The following KYNU variants were observed in gnomAD, a reference collection of about 807,000 sequenced individuals.
KYNU encodes L-kynurenine hydrolase.
A neutral mutation model predicts 59.2 loss-of-function variants in KYNU; 54 were observed. The ratio of observed to expected loss-of-function variants is 0.91; its 90% CI spans 0.73 to 1.14. KYNU has a LOEUF of 1.14. KYNU is among the 50% of genes most tolerant of loss of function. The pLI is 0.00. For missense variants in KYNU, 567 were observed against 554.4 expected (o/e 1.02, Z -0.23); for synonymous variants, 177 against 192.0 (o/e 0.92, Z 0.65).
At position 142,977,261 on chromosome 2, in the gene KYNU, T is replaced by A. The variant is rs1168375300; in HGVS notation, c.730-7823T>A. ...GTTTACAAAATTGAGGCTCAAATAT[T>A]TTCTACCATCTGAATTTTTCTCGTT... On this transcript the variant is annotated intron_variant, in intron 8 of 13. Coordinates refer to ENST00000264170, the MANE Select transcript of KYNU (RefSeq NM_003937.3). 2.6e-5 allele frequency among the ~76,000 whole-genome samples: 4 copies of A among 151,980 alleles called. No homozygotes were observed. In the East Asian group the frequency reaches 5.8e-4, roughly 22 times the overall value.
chr2:143,043,150 A>G lies in KYNU; in HGVS notation c.*978A>G, dbSNP rs936441578. ...TTTTTAAATGAGAACTTCCCCTAAT[A>G]TAAGAGCTTAGATATTATATTACTA... On this transcript the variant is annotated 3_prime_UTR_variant, in exon 14 of 14. Coordinates refer to ENST00000264170, the MANE Select transcript of KYNU (RefSeq NM_003937.3). The G allele has an allele frequency of 3.9e-5, 6 of 151,910 alleles. No individual in the cohort carries two copies. The highest frequency in any genetic ancestry group is 2.6e-4 in the Admixed American group (4 of 15,192). The allele number at this position is 151,910 out of a possible 1,614,324, so 9.4% of individuals were successfully genotyped here.
At chr2:142,903,333 T>C (rs1456233883) in intron 2 of KYNU, among the ~76,000 whole-genome samples, 1 of 152,106 alleles carries the variant, frequency 6.6e-6, no homozygotes, top group African/African-American at 2.4e-5. Flanking sequence ...TTAATTCCTT[T>C]TTCAAGCAGG....
At chr2:142,980,430 G>A (rs2105146962) in intron 8 of KYNU, among the ~76,000 whole-genome samples, 1 of 152,182 alleles carries the variant, frequency 6.6e-6, no homozygotes, top group South Asian at 2.1e-4. Flanking sequence ...TACTAGGAAT[G>A]CAGCCCAGCA....
intron 10 of KYNU, among the ~76,000 whole-genome samples, chr2:143,022,749 C>CA (rs772310265): frequency 2.9e-4 from 44 of 151,904 alleles, no homozygotes; most frequent in Non-Finnish European, 5.8e-4. Flanking sequence ...AATATTCTCC[C>CA]AAAAAATTAT....
At chr2:142,977,840 G>A (rs761707454) in intron 8 of KYNU, among the ~76,000 whole-genome samples, 6 of 152,060 alleles carry the variant, frequency 3.9e-5, no homozygotes, top group Non-Finnish European at 8.8e-5. Flanking sequence ...AGAGTGAGAA[G>A]GATTTTTGAA....
intron 10 of KYNU, among the ~76,000 whole-genome samples, chr2:143,010,132 C>T (rs1686046164): frequency 1.4e-5 from 2 of 141,140 alleles, no homozygotes; most frequent in South Asian, 4.7e-4. Flanking sequence ...TCCCTGTTTG[C>T]AGATGACATG....
chr2:142,951,822 T>C (rs1291868280), intron 4 of KYNU, among the ~76,000 whole-genome samples: 1 of 152,232 alleles, frequency 6.6e-6, no homozygotes, highest in Non-Finnish European at 1.5e-5. Flanking sequence ...ATAATGTTTG[T>C]ATATGTGTAC....
At chr2:142,928,916 G>C (rs1683123161) in intron 4 of KYNU, among the ~76,000 whole-genome samples, 2 of 150,058 alleles carry the variant, frequency 1.3e-5, no homozygotes. Flanking sequence ...GCTGAGGTGG[G>C]AGGTTAGCTT....
intron 12 of KYNU, among the ~76,000 whole-genome samples, chr2:143,039,101 G>T (rs1055562364): frequency 6.6e-6 from 1 of 152,062 alleles, no homozygotes; most frequent in African/African-American, 2.4e-5. Flanking sequence ...AGACATCTCA[G>T]CCCACAAATG....
chr2:142,937,798 T>G (rs1022481756), intron 4 of KYNU, among the ~76,000 whole-genome samples: 2 of 152,238 alleles, frequency 1.3e-5, no homozygotes, highest in Non-Finnish European at 2.9e-5. Flanking sequence ...TGCCTCCATT[T>G]AGGTAACAGT....
Position 143,001,767 on chromosome 2 carries a change from C to T in KYNU, c.902+15746C>T, listed in dbSNP as rs572627510. 5.5e-4 allele frequency among the ~76,000 whole-genome samples: 84 copies of T among 152,262 alleles called. 1 individual carries two copies. Among genetic ancestry groups the T allele is most frequent in the African/African-American group, 1.9e-3 (81 of 41,540 alleles). ...GATGAGTCACTCAACCACTTTAAGCCATACTTTTCTCAAATCTAAAATGGT... is the reference window on the plus strand; with the variant it reads ...GATGAGTCACTCAACCACTTTAAGCTATACTTTTCTCAAATCTAAAATGGT... On this transcript the variant is annotated intron_variant, in intron 10 of 13. Coordinates refer to ENST00000264170, the MANE Select transcript of KYNU (RefSeq NM_003937.3).
At chr2:142,942,734 A>G (rs1683644341) in intron 4 of KYNU, among the ~76,000 whole-genome samples, 1 of 152,246 alleles carries the variant, frequency 6.6e-6, no homozygotes, top group South Asian at 2.1e-4. Flanking sequence ...CCAAGTGGGC[A>G]ACTTGAGAGA....
At chr2:142,892,579 G>C (rs976766102) in intron 2 of KYNU, among the ~76,000 whole-genome samples, 1 of 152,188 alleles carries the variant, frequency 6.6e-6, no homozygotes, top group Non-Finnish European at 1.5e-5. Context: ...ATGAGTGCGT[G>C]TGGGTACCTA....
intron 4 of KYNU, among the ~76,000 whole-genome samples, chr2:142,935,082 A>G (rs754637936): frequency 2.6e-5 from 4 of 152,224 alleles, no homozygotes; most frequent in Admixed American, 6.5e-5. Context: ...TGAAGGCTAA[A>G]TTAAGAAGGT....
In KYNU at chr2:143,048,367, GA is replaced by G. The variant is rs1687204151; in HGVS notation, c.*6198del. 5 of 152,094 alleles carry G rather than the reference GA, an allele frequency of 3.3e-5. No individual in the cohort carries two copies. Among genetic ancestry groups the G allele is most frequent in the Admixed American group, 1.3e-4 (2 of 15,268 alleles). 9.4% of individuals were successfully genotyped at this position (152,094 alleles called of 1,614,324 possible). On this transcript the variant is annotated 3_prime_UTR_variant, in exon 14 of 14. Transcript: ENST00000264170. ...ATAACTCTCCTTCTGACTAGTTGAAGAAATGAGAATGCTTTAACATCAAACA... is the reference window on the plus strand; with the variant it reads ...ATAACTCTCCTTCTGACTAGTTGAAGAATGAGAATGCTTTAACATCAAACA...
intron 8 of KYNU, among the ~76,000 whole-genome samples, chr2:142,977,372 G>GATATACATATATATATATATATATAT (rs1684921272): frequency 7.6e-6 from 1 of 131,152 alleles, no homozygotes; most frequent in African/African-American, 2.9e-5. Context: ...ATTTTGTGTG[G>GATATACATATATATATATATATATAT]ATATATATAT....
At chr2:143,000,084 G>C (rs1685667724) in intron 10 of KYNU, among the ~76,000 whole-genome samples, 1 of 152,096 alleles carries the variant, frequency 6.6e-6, no homozygotes, top group Non-Finnish European at 1.5e-5. Flanking sequence ...AAAAATTAGT[G>C]ACAGTCCGAA....
At chr2:142,894,223 CTG>C (rs1457915452) in intron 2 of KYNU, among the ~76,000 whole-genome samples, 1 of 152,146 alleles carries the variant, frequency 6.6e-6, no homozygotes, top group Non-Finnish European at 1.5e-5. Flanking sequence ...TGCAAGTAGA[CTG>C]TAGTGATCCT....
intron 4 of KYNU, among the ~76,000 whole-genome samples, chr2:142,940,159 A>G (rs896148689): frequency 6.6e-6 from 1 of 152,254 alleles, no homozygotes; most frequent in African/African-American, 2.4e-5. Context: ...TTAGAAGCCA[A>G]TTCTAAACAT....
Sources: allele counts gnomAD v4.1 joint callset (sites outside exome capture counted in the v4.1 genomes callset), GRCh38; gene constraint gnomAD v4.1.1; transcripts MANE v1.5; gene names NCBI Gene and HGNC (gene_info 2026-07-23, HGNC 2026-07-21).